L3MBTL4: variants seen among roughly 807,000 people sequenced by gnomAD.
The protein encoded by L3MBTL4 is L3MBTL histone methyl-lysine binding protein 4, also known as lethal(3)malignant brain tumor-like protein 4.
L3MBTL4 carries 70 observed loss-of-function variants against 84.5 expected under a neutral mutation model. The observed-to-expected ratio is 0.83, with a 90% CI of 0.68 to 1.01. The LOEUF (loss-of-function observed/expected upper bound fraction) is 1.01. L3MBTL4 is among the 50% of genes least tolerant of loss of function. The probability of loss-of-function intolerance (pLI) is 0.00; values close to 1 mark genes in which losing one functional copy is unlikely to be tolerated. For synonymous variants in L3MBTL4, 274 were observed against 259.8 expected (o/e 1.05, Z -0.52); for missense variants, 715 against 754.8 (o/e 0.95, Z 0.62).
intron 16 of L3MBTL4, among the ~76,000 whole-genome samples, chr18:6,055,491 TTGATTGATTGATTGAC>T (rs1330160761): frequency 6.9e-6 from 1 of 145,550 alleles, no homozygotes; most frequent in Non-Finnish European, 1.5e-5. Context: ...AAGGCACAGA[TTGATTGATTGATTGAC>T]TGATTGATTT....
chr18:6,103,706 T>C (rs138740405), intron 14 of L3MBTL4, among the ~76,000 whole-genome samples: 1,825 of 152,360 alleles, frequency 0.012, 37 homozygotes, highest in African/African-American at 0.038. Context: ...TACATAGGTA[T>C]ATATTTATGT....
chr18:6,074,274 G>T (rs1014219384), intron 16 of L3MBTL4, among the ~76,000 whole-genome samples: 3 of 152,178 alleles, frequency 2.0e-5, no homozygotes, highest in African/African-American at 7.2e-5. Flanking sequence ...CATTCGATTA[G>T]AATTTCACTT....
intron 10 of L3MBTL4, among the ~76,000 whole-genome samples, chr18:6,237,390 C>T (rs1389907596): frequency 6.9e-6 from 1 of 144,874 alleles, no homozygotes; most frequent in Non-Finnish European, 1.5e-5. Context: ...CAATGGTACT[C>T]ATTTAGTTGG....
At chr18:6,249,159 C>T (rs1166592697) in intron 5 of L3MBTL4, among the ~76,000 whole-genome samples, 1 of 152,026 alleles carries the variant, frequency 6.6e-6, no homozygotes, top group East Asian at 1.9e-4. Flanking sequence ...TGAAATTTCT[C>T]GGTTAACTTC....
At chr18:6,379,695 G>A (rs369775595) in intron 1 of L3MBTL4, among the ~76,000 whole-genome samples, 6 of 152,102 alleles carry the variant, frequency 3.9e-5, no homozygotes, top group Admixed American at 1.3e-4. Flanking sequence ...TAAGCTTTTC[G>A]ATGTGCTGCA....
intron 10 of L3MBTL4, among the ~76,000 whole-genome samples, chr18:6,237,249 C>T (rs998814985): frequency 2.6e-5 from 4 of 151,976 alleles, no homozygotes; most frequent in African/African-American, 4.8e-5. Flanking sequence ...AGTCTTACTG[C>T]TTTAGATTTC....
chr18:6,339,294 A>G (rs534973101), intron 1 of L3MBTL4, among the ~76,000 whole-genome samples: 5 of 152,366 alleles, frequency 3.3e-5, no homozygotes, highest in South Asian at 2.1e-4. Flanking sequence ...TAGTCACTCA[A>G]AAAATATTAT....
intron 10 of L3MBTL4, among the ~76,000 whole-genome samples, chr18:6,219,260 A>G (rs981284727): frequency 2.0e-5 from 3 of 151,832 alleles, no homozygotes; most frequent in East Asian, 2.0e-4. Flanking sequence ...CAGCGCATCC[A>G]TGATCCAAGG....
intron 12 of L3MBTL4, among the ~76,000 whole-genome samples, chr18:6,175,418 T>C (rs930856587): frequency 6.6e-6 from 1 of 152,198 alleles, no homozygotes; most frequent in Non-Finnish European, 1.5e-5. Flanking sequence ...AGATTTATAC[T>C]GTAAGAAATA....
chr18:6,272,493 C>T (rs589562), intron 4 of L3MBTL4, among the ~76,000 whole-genome samples: 1,798 of 18,926 alleles, frequency 0.095, 96 homozygotes, highest in African/African-American at 0.15. Flanking sequence ...TACAGAGCGG[C>T]GCCTTCAGGA....
chr18:6,091,433 G>A lies in L3MBTL4; in HGVS notation c.1373+1922C>T, dbSNP rs116903756. ...AGCAAAAGTAGGCTTGAGGATTCAT[G>A]ATGTGTAACATACACCTCCTGCCCC... On this transcript the variant is annotated intron_variant, in intron 15 of 18. Coordinates refer to ENST00000317931, the MANE Select transcript of L3MBTL4 (RefSeq NM_001330559.2). Among the ~76,000 whole-genome samples the A allele has an allele frequency of 9.8e-5, 15 of 152,316 alleles. No individual in the cohort carries two copies. The East Asian group carries it at 2.9e-3, about 29-fold the overall frequency.
At chr18:6,302,050 T>G in intron 3 of L3MBTL4, 93 bp from the exon 4 acceptor site, 1 of 1,064,080 alleles carries the variant, frequency 9.4e-7, no homozygotes, top group Non-Finnish European at 1.5e-6. Context: ...AGGAAAGTTA[T>G]GAAGATCCTC....
chr18:6,382,744 T>C (rs1436951211), intron 1 of L3MBTL4, among the ~76,000 whole-genome samples: 2 of 152,168 alleles, frequency 1.3e-5, no homozygotes, highest in East Asian at 3.9e-4. Flanking sequence ...ATGAGGTGTC[T>C]ATCGGTCCCT....
intron 16 of L3MBTL4, among the ~76,000 whole-genome samples, chr18:5,979,960 TA>T (rs1330493262): frequency 6.6e-6 from 1 of 152,050 alleles, no homozygotes; most frequent in Non-Finnish European, 1.5e-5. Context: ...TGGCAGGCAG[TA>T]AAGGCACACG....
At chr18:6,398,721 A>G (rs1419045925) in intron 1 of L3MBTL4, among the ~76,000 whole-genome samples, 1 of 133,282 alleles carries the variant, frequency 7.5e-6, no homozygotes, top group Non-Finnish European at 1.6e-5. Flanking sequence ...ACATTTTTTT[A>G]ATTGGATTTC....
intron 14 of L3MBTL4, among the ~76,000 whole-genome samples, chr18:6,124,483 C>A (rs1202444136): frequency 6.7e-6 from 1 of 148,900 alleles, no homozygotes; most frequent in South Asian, 2.1e-4. Flanking sequence ...ATATACACAC[C>A]AATACATGCA....
chr18:6,156,279 A>G (rs35216195), intron 13 of L3MBTL4, among the ~76,000 whole-genome samples: 6,824 of 152,302 alleles, frequency 0.045, 207 homozygotes, highest in Middle Eastern at 0.099. Flanking sequence ...TGCCTTTATC[A>G]TCATGGCCAT....
rs139316278 is a variant in L3MBTL4 at position 6,393,589 on chromosome 18, C to T, written c.-91+21212G>A. Among the ~76,000 whole-genome samples the T allele has an allele frequency of 3.9e-3, 587 of 152,344 alleles. 3 individuals are homozygous for T. Among genetic ancestry groups the T allele is most frequent in the African/African-American group, 0.014 (562 of 41,586 alleles). ...ATCTCAGGCGGCAACACTCTCAGGACAGTTGCTTAAGCCAAACACCTTGGA... is the reference window on the plus strand; with the variant it reads ...ATCTCAGGCGGCAACACTCTCAGGATAGTTGCTTAAGCCAAACACCTTGGA... On this transcript the variant is annotated intron_variant, in intron 1 of 18. Coordinates refer to ENST00000317931, the MANE Select transcript of L3MBTL4 (RefSeq NM_001330559.2).
At chr18:6,196,227 A>C (rs544844127) in intron 12 of L3MBTL4, among the ~76,000 whole-genome samples, 1 of 142,124 alleles carries the variant, frequency 7.0e-6, no homozygotes, top group East Asian at 2.0e-4. Flanking sequence ...GCATGATCTC[A>C]GCTCACTGCA....
Sources: gnomAD v4.1 joint callset for allele counts (sites outside exome capture counted in the v4.1 genomes callset) on GRCh38, gnomAD v4.1.1 for gene constraint, MANE v1.5 for transcripts, NCBI Gene and HGNC (gene_info 2026-07-23, HGNC 2026-07-21) for gene names.